The following CTSW variants were observed in gnomAD, a reference collection of about 807,000 sequenced individuals.
The protein encoded by CTSW is lymphopain.
CTSW carries 42 observed loss-of-function variants against 43.8 expected under a neutral mutation model. The observed-to-expected ratio is 0.96, with a 90% CI of 0.75 to 1.24. The LOEUF is 1.24. CTSW is among the 50% of genes most tolerant of loss of function. The probability of loss-of-function intolerance (pLI) is 0.00; values close to 1 mark genes in which losing one functional copy is unlikely to be tolerated. For synonymous variants in CTSW, 191 were observed against 184.8 expected, an observed-to-expected ratio of 1.03 and a Z score of -0.27; for missense variants, 475 against 479.9, an observed-to-expected ratio of 0.99 and a Z score of 0.09.
chr11:65,882,591 T>C lies in CTSW; in HGVS notation c.539-18T>C, dbSNP rs779362414. ...GGCCTAGGGGCCTGGTCACCCACACTGTCCCTTCTTGCACCAGAACTGCTG... is the reference window on the plus strand; with the variant it reads ...GGCCTAGGGGCCTGGTCACCCACACCGTCCCTTCTTGCACCAGAACTGCTG... On this transcript the variant is annotated intron_variant, in intron 5 of 9. Coordinates refer to ENST00000307886, the MANE Select transcript of CTSW (RefSeq NM_001335.4). The C allele has an allele frequency of 1.2e-6, 2 of 1,614,070 alleles. No homozygotes were observed. Among genetic ancestry groups the C allele is most frequent in the African/African-American group, 1.3e-5 (1 of 74,934 alleles).
chr11:65,882,419 T>G lies in CTSW; in HGVS notation c.442-11T>G. Reference sequence around the variant, plus strand: ...GAACACCTAGCCCCGCCCCACCCTCTCGCCCTCCAGAAAAACTGCAACTGC... The same window carrying G: ...GAACACCTAGCCCCGCCCCACCCTCGCGCCCTCCAGAAAAACTGCAACTGC... On this transcript the variant is annotated splice_polypyrimidine_tract_variant and intron_variant, in intron 4 of 9. Coordinates refer to ENST00000307886, the MANE Select transcript of CTSW (RefSeq NM_001335.4). 2 of 1,614,096 alleles carry G rather than the reference T, an allele frequency of 1.2e-6. No homozygotes were observed. Among genetic ancestry groups the G allele is most frequent in the Non-Finnish European group, 1.7e-6 (2 of 1,179,988 alleles).
intron 3 of CTSW, among the ~76,000 whole-genome samples, chr11:65,881,830 G>A (rs1395271080): frequency 6.6e-6 from 1 of 152,168 alleles, no homozygotes; most frequent in Non-Finnish European, 1.5e-5. Flanking sequence ...TGTCCAGGCT[G>A]CAGTACAATA....
At position 65,883,662 on chromosome 11, in the gene CTSW, T is replaced by G. The variant is rs963471650; in HGVS notation, c.*44T>G. 3 of 1,559,044 alleles carry G rather than the reference T, an allele frequency of 1.9e-6. No individual in the cohort carries two copies. Among genetic ancestry groups the G allele is most frequent in the Middle Eastern group, 1.8e-4 (1 of 5,646 alleles). ...GCTCTGTCCTGTTAGGCCAACTGCC[T>G]CCTTGCCAGCCCCACCCCCAGGTTT... On this transcript the variant is annotated 3_prime_UTR_variant, in exon 10 of 10. Transcript: ENST00000307886.
At chr11:65,883,000 G>T (rs955261783) in intron 7 of CTSW, 69 bp from the exon 8 acceptor site, 3 of 1,610,376 alleles carry the variant, frequency 1.9e-6, no homozygotes, top group South Asian at 2.2e-5. Context: ...AAGAGGGGGT[G>T]GGGGGAGCGA....
rs1860116548 is a variant in CTSW, at chr11:65,882,240, G to A, written c.352G>A (p.Glu118Lys). 2 of 1,614,194 alleles carry A rather than the reference G, an allele frequency of 1.2e-6. No homozygotes were observed. The highest frequency in any genetic ancestry group is 1.1e-5 in the South Asian group (1 of 91,088). Residue 118 changes from glutamate to lysine, a missense_variant, in exon 4 of 10, where the codon GAA (glutamate) becomes AAA (lysine). Transcript: ENST00000307886. ...TGGAGGGGTCCCCAGCATGGGCAGA[G>A]AAATAAGGTCTGAAGAGCCAGAGGA... ...AAGGVPSMGR[E>K]IRSEEPEESV... is the part of the protein sequence containing the mutation.
intron 3 of CTSW, among the ~76,000 whole-genome samples, chr11:65,881,821 G>C (rs984965557): frequency 1.3e-5 from 2 of 152,144 alleles, no homozygotes; most frequent in Non-Finnish European, 2.9e-5. Context: ...TTGCTCTGTT[G>C]TCCAGGCTGC....
chr11:65,880,070 G>T (rs762786947), intron 1 of CTSW, 129 bp downstream of exon 1: 2 of 1,179,102 alleles, frequency 1.7e-6, no homozygotes, highest in East Asian at 2.4e-5. Flanking sequence ...ACGTGCCCAA[G>T]GGCACATGGG....
rs370766907 is a variant in CTSW at position 65,883,561 on chromosome 11, G to A, written c.1074G>A (p.Pro358=). The change falls in exon 10 of 10, where the codon CCG becomes CCA. Residue 358 remains proline (P), a synonymous_variant. Coordinates refer to ENST00000307886, the MANE Select transcript of CTSW (RefSeq NM_001335.4). Reference sequence around the variant, plus strand: ...ATACCTGTGGCATCACCAAGTTCCCGCTCACTGCCCGTGTGCAGAAACCGG... The same window carrying A: ...ATACCTGTGGCATCACCAAGTTCCCACTCACTGCCCGTGTGCAGAAACCGG... ...GSNTCGITKF[P]LTARVQKPDM... 5.6e-6 allele frequency: 9 copies of A among 1,613,866 alleles called. No individual in the cohort carries two copies. Among genetic ancestry groups the A allele is most frequent in the African/African-American group, 1.3e-5 (1 of 74,866 alleles).
At position 65,882,546 on chromosome 11, in the gene CTSW, C is replaced by T. The variant is rs748138206; in HGVS notation, c.538+20C>T. On this transcript the variant is annotated intron_variant, in intron 5 of 9. Coordinates refer to ENST00000307886, the MANE Select transcript of CTSW (RefSeq NM_001335.4). ...TGCAGGGTAGGGTTGGGAGAGGGTG[C>T]GCGTGTGACAGGGGAGGGAGGCCTA... 3.1e-6 allele frequency: 5 copies of T among 1,613,940 alleles called. No homozygotes were observed. Among genetic ancestry groups the T allele is most frequent in the South Asian group, 1.1e-5 (1 of 91,078 alleles).
In CTSW at chr11:65,879,867, G is replaced by A. The variant is rs755315802; in HGVS notation, c.13G>A (p.Ala5Thr). The A allele has an allele frequency of 1.2e-6, 2 of 1,613,752 alleles. No homozygotes were observed. The highest frequency in any genetic ancestry group is 2.7e-5 in the African/African-American group (2 of 75,032). MALTAHPSCLLALLV... is the reference protein window; with the variant it reads MALTTHPSCLLALLV... ...AGACTGCACCGGCATGGCACTGACTGCCCACCCCTCCTGCCTCCTGGCCCT... is the reference window on the plus strand; with the variant it reads ...AGACTGCACCGGCATGGCACTGACTACCCACCCCTCCTGCCTCCTGGCCCT... Residue 5 changes from alanine to threonine, a missense_variant, in exon 1 of 10, where the codon GCC becomes ACC. Ala to Thr is a moderately conservative substitution (Grantham distance 58, BLOSUM62 0). Transcript: ENST00000307886.
rs139545276 is a variant in CTSW, at chr11:65,882,309, A to G, written c.421A>G (p.Ile141Val). 112 of 1,613,976 alleles carry G rather than the reference A, an allele frequency of 6.9e-5. No homozygotes were observed. In the African/African-American group the frequency reaches 1.3e-3, roughly 19 times the overall value. Reference sequence around the variant, plus strand: ...TGACTGGCGGAAGGTGGCCAGCGCCATCTCACCCATCAAGGACCAGGTATC... The same window carrying G: ...TGACTGGCGGAAGGTGGCCAGCGCCGTCTCACCCATCAAGGACCAGGTATC... The part of the protein sequence containing the change: ...SCDWRKVASA[I>V]SPIKDQKNCN... Residue 141 changes from isoleucine to valine, a missense_variant, in exon 4 of 10, where the codon ATC becomes GTC. Coordinates refer to ENST00000307886, the MANE Select transcript of CTSW (RefSeq NM_001335.4).
Position 65,882,425 on chromosome 11 carries a change from T to G in CTSW, c.442-5T>G. The stretch of plus-strand genomic sequence containing the variant: ...CTAGCCCCGCCCCACCCTCTCGCCC[T>G]CCAGAAAAACTGCAACTGCTGCTGG... On this transcript the variant is annotated splice_region_variant and splice_polypyrimidine_tract_variant and intron_variant, in intron 4 of 9. Coordinates refer to ENST00000307886, the MANE Select transcript of CTSW (RefSeq NM_001335.4). The G allele has an allele frequency of 6.2e-7, 1 of 1,614,074 alleles. No homozygotes were observed. Among genetic ancestry groups the G allele is most frequent in the Non-Finnish European group, 8.5e-7 (1 of 1,180,008 alleles).
rs151110979 is a variant in CTSW, at chr11:65,882,514, G to A, written c.526G>A (p.Val176Ile). 5.1e-4 allele frequency: 823 copies of A among 1,614,216 alleles called. 1 individual carries two copies. The highest frequency in any genetic ancestry group is 6.6e-4 in the Non-Finnish European group (775 of 1,180,026). ...CATCAGTTTCTGGGATTTTGTGGAT[G>A]TCTCCGTGCAGGGTAGGGTTGGGAG... ...WRISFWDFVD[V>I]SVQELLDCGR... Residue 176 changes from valine (V) to isoleucine (I), a missense_variant, in exon 5 of 10, where the codon GTC becomes ATC. By Grantham distance (29) the Val-to-Ile change is conservative (BLOSUM62 3). Transcript: ENST00000307886.
At position 65,883,334 on chromosome 11, in the gene CTSW, G is replaced by A. The variant is rs1347133321; in HGVS notation, c.930G>A (p.Glu310=). The change falls in exon 9 of 10, where the codon GAG becomes GAA. Residue 310 remains glutamate (E), a synonymous_variant. Coordinates refer to ENST00000307886, the MANE Select transcript of CTSW (RefSeq NM_001335.4). ...AGTCAGAGGAGGGGATATGGGCAGAGACAGTCTCATCGCAGTCTCAGCCTC... is the reference window on the plus strand; with the variant it reads ...AGTCAGAGGAGGGGATATGGGCAGAAACAGTCTCATCGCAGTCTCAGCCTC... ...SVKSEEGIWA[E]TVSSQSQPQP... is the part of the protein sequence containing the mutation. 1.2e-6 allele frequency: 2 copies of A among 1,614,008 alleles called. No individual in the cohort carries two copies. Among genetic ancestry groups the A allele is most frequent in the African/African-American group, 1.3e-5 (1 of 74,884 alleles).
Position 65,879,893 on chromosome 11 carries a change from G to C in CTSW, c.39G>C (p.Leu13=). ...LTAHPSCLLA[L]LVAGLAQGIR... is the part of the protein sequence containing the mutation. ...CCCACCCCTCCTGCCTCCTGGCCCT[G>C]TTGGTGGCAGGCCTAGCCCAAGGCA... Residue 13 remains leucine, a synonymous_variant, in exon 1 of 10, where the codon CTG becomes CTC. Transcript: ENST00000307886. The C allele has an allele frequency of 1.2e-6, 2 of 1,613,868 alleles. No homozygotes were observed. Among genetic ancestry groups the C allele is most frequent in the East Asian group, 4.5e-5 (2 of 44,882 alleles).
chr11:65,881,410 A>ATGCTCACCGCCTGGACATCTT lies in CTSW; in HGVS notation c.180_200dup (p.Arg62_His68dup), dbSNP rs1860104166. 1 of 1,595,086 alleles carries ATGCTCACCGCCTGGACATCTT rather than the reference A, an allele frequency of 6.3e-7. No homozygotes were observed. Among genetic ancestry groups the ATGCTCACCGCCTGGACATCTT allele is most frequent in the Non-Finnish European group, 8.5e-7 (1 of 1,169,732 alleles). Reference sequence around the variant, plus strand: ...GGACAACTCCCTTTTGGTCCAGAGCATGCTCACCGCCTGGACATCTTTGCC... The same window carrying ATGCTCACCGCCTGGACATCTT: ...GGACAACTCCCTTTTGGTCCAGAGCATGCTCACCGCCTGGACATCTTTGCTCACCGCCTGGACATCTTTGCC... On this transcript the variant is annotated inframe_insertion, in exon 3 of 10. Coordinates refer to ENST00000307886, the MANE Select transcript of CTSW (RefSeq NM_001335.4).
Position 65,883,305 on chromosome 11 carries a change from G to A in CTSW, c.901G>A (p.Val301Ile), listed in dbSNP as rs201828687. 5 of 1,613,912 alleles carry A rather than the reference G, an allele frequency of 3.1e-6. No homozygotes were observed. Among genetic ancestry groups the A allele is most frequent in the Admixed American group, 1.7e-5 (1 of 59,992 alleles). Residue 301 changes from valine to isoleucine, a missense_variant, in exon 9 of 10, where the codon GTC becomes ATC. Physicochemically the swap from Val to Ile is conservative, Grantham distance 29 (BLOSUM62 3). Coordinates refer to ENST00000307886, the MANE Select transcript of CTSW (RefSeq NM_001335.4). The part of the protein sequence containing the change: ...HSVLLVGFGS[V>I]KSEEGIWAET... ...TGTCCTGCTGGTGGGTTTTGGCAGC[G>A]TCAAGTCAGAGGAGGGGATATGGGC...
intron 8 of CTSW, 26 bp downstream of exon 8, chr11:65,883,159 G>A (rs775555669): frequency 6.2e-7 from 1 of 1,613,948 alleles, no homozygotes; most frequent in Non-Finnish European, 8.5e-7. Context: ...TGATGGGGAA[G>A]GGGCATACAG....
chr11:65,882,188 C>T lies in CTSW; in HGVS notation c.300C>T (p.Gly100=). Residue 100 remains glycine (G), a synonymous_variant, in exon 4 of 10, where the codon GGC becomes GGT. Transcript: ENST00000307886. The part of the protein sequence containing the change: ...PFSDLTEEEF[G]QLYGYRRAAG... ...TCTGTTCCCCAGAGGAGGAGTTTGG[C>T]CAGCTCTATGGCTATCGGAGGGCAG... is the stretch of plus-strand genomic sequence containing the variant. 2 of 1,614,080 alleles carry T rather than the reference C, an allele frequency of 1.2e-6. No homozygotes were observed. The highest frequency in any genetic ancestry group is 1.7e-4 in the Middle Eastern group (1 of 6,058).
Sources: gnomAD v4.1 joint callset for allele counts (sites outside exome capture counted in the v4.1 genomes callset) on GRCh38, gnomAD v4.1.1 for gene constraint, MANE v1.5 for transcripts, NCBI Gene and HGNC (gene_info 2026-07-23, HGNC 2026-07-21) for gene names.